Variants in MSH6 observed in about 807,000 individuals in gnomAD.
MSH6 encodes mutS homolog 6.
Under a neutral mutation model 119.1 loss-of-function variants are expected in MSH6, and 85 were observed. That is an observed-to-expected ratio of 0.71 (90% CI 0.60 to 0.85). MSH6 has a LOEUF of 0.85. Ranked by LOEUF, MSH6 falls within the 40% of genes least tolerant of loss-of-function variation. MSH6 has a pLI of 0.00. For missense variants in MSH6, 2,163 were observed against 1,655.3 expected (o/e 1.31, Z -5.32); for synonymous variants, 830 against 586.9 (o/e 1.41, Z -5.99).
At chr2:47,801,302 C>A in intron 4 of MSH6, 147 bp downstream of exon 4, 1 of 661,950 alleles carries the variant, frequency 1.5e-6, no homozygotes, top group South Asian at 2.0e-5. Flanking sequence ...AGGCTGCCCA[C>A]AGCAATTTAA....
chr2:47,807,879 A>G (rs1040405000), downstream of MSH6: 2 of 377,814 alleles, frequency 5.3e-6, no homozygotes, highest in Non-Finnish European at 9.6e-6. Context: ...TATTTTCTTC[A>G]CTTCTGTCCC....
intron 1 of MSH6, among the ~76,000 whole-genome samples, chr2:47,788,999 C>T (rs1668564656): frequency 7.7e-6 from 1 of 129,476 alleles, no homozygotes; most frequent in Admixed American, 9.4e-5. Context: ...TTTCTTGGCT[C>T]ACTGCAACCT....
At chr2:47,809,292 A>C, downstream of MSH6, 1 of 1,390,436 alleles carries the variant, frequency 7.2e-7, no homozygotes, top group Non-Finnish European at 1.0e-6. Context: ...GAATAAGTAA[A>C]AATTCAGAGG....
At chr2:47,801,299 C>A in intron 4 of MSH6, 144 bp downstream of exon 4, 2 of 754,034 alleles carry the variant, frequency 2.7e-6, no homozygotes, top group Non-Finnish European at 2.1e-6. Context: ...ACTAGGCTGC[C>A]CACAGCAATT....
downstream of MSH6, chr2:47,808,675 C>G: frequency 5.1e-6 from 2 of 391,076 alleles, no homozygotes. Context: ...CTTTAAAAGC[C>G]TCTCAAATGT....
downstream of MSH6, chr2:47,807,897 C>CTT (rs1283461930): frequency 2.2e-6 from 1 of 465,048 alleles, no homozygotes; most frequent in Non-Finnish European, 3.9e-6. Flanking sequence ...CCCTTCAAGT[C>CTT]TTTACACAGT....
At chr2:47,804,511 C>T (rs1159447678) in intron 5 of MSH6, among the ~76,000 whole-genome samples, 1 of 145,360 alleles carries the variant, frequency 6.9e-6, no homozygotes, top group East Asian at 2.0e-4. Flanking sequence ...AAATCAGAAT[C>T]ACCTGAAAGA....
chr2:47,799,070 A>C lies in MSH6; in HGVS notation c.1087A>C (p.Thr363Pro), dbSNP rs764965018. The change falls in exon 4 of 10, where the codon ACT (threonine) becomes CCT (proline). Residue 363 changes from threonine (T) to proline (P), a missense_variant. By Grantham distance (38) the Thr-to-Pro change is conservative (BLOSUM62 -1). Transcript: ENST00000234420. ...SGGGDDSSRP[T>P]VWYHETLEWL... ...AGGTGGTGATGACAGTAGTCGCCCT[A>C]CTGTTTGGTATCATGAAACTTTAGA... 6.2e-7 allele frequency: 1 copy of C among 1,614,178 alleles called. No individual in the cohort carries two copies. Among genetic ancestry groups the C allele is most frequent in the Non-Finnish European group, 8.5e-7 (1 of 1,180,034 alleles).
At chr2:47,785,792 T>C (rs1668315790) in intron 1 of MSH6, among the ~76,000 whole-genome samples, 1 of 152,240 alleles carries the variant, frequency 6.6e-6, no homozygotes, top group African/African-American at 2.4e-5. Flanking sequence ...CAAACGGGTG[T>C]ATTTATTGTA....
At position 47,806,935 on chromosome 2, in the gene MSH6, C is replaced by CTT. The variant is rs587779201; in HGVS notation, c.*77_*78dup. 6 of 1,133,702 alleles carry CTT rather than the reference C, an allele frequency of 5.3e-6. No individual in the cohort carries two copies. Among genetic ancestry groups the CTT allele is most frequent in the Non-Finnish European group, 6.6e-6 (5 of 760,866 alleles). The allele number at this position is 1,133,702 out of a possible 1,614,324, so 70.2% of individuals were successfully genotyped here. On this transcript the variant is annotated 3_prime_UTR_variant, in exon 10 of 10. Coordinates refer to ENST00000234420, the MANE Select transcript of MSH6 (RefSeq NM_000179.3). Reference sequence around the variant, plus strand: ...TCAGACAACATTATGATCTAATAAACTTTATTTTTTAAAAATGACCATTTT... The same window carrying CTT: ...TCAGACAACATTATGATCTAATAAACTTTTTATTTTTTAAAAATGACCATTTT...
At chr2:47,786,415 A>C (rs1425490566) in intron 1 of MSH6, among the ~76,000 whole-genome samples, 1 of 151,654 alleles carries the variant, frequency 6.6e-6, no homozygotes, top group Non-Finnish European at 1.5e-5. Flanking sequence ...GCTCACTGCA[A>C]CCTCCGCCTC....
chr2:47,793,723 A>G (rs1225094324), intron 2 of MSH6, among the ~76,000 whole-genome samples: 2 of 151,926 alleles, frequency 1.3e-5, no homozygotes, highest in African/African-American at 4.8e-5. Context: ...GATTTAAAAA[A>G]TTTGGCAGAA....
downstream of MSH6, chr2:47,808,617 G>A (rs971239242): frequency 1.4e-5 from 7 of 504,436 alleles, no homozygotes; most frequent in Admixed American, 3.7e-5. Flanking sequence ...CTGTGTCTTC[G>A]GAGGGAAGAG....
rs1572729232 is a variant in MSH6 at position 47,800,896 on chromosome 2, G to A, written c.2913G>A (p.Gly971=). The A allele has an allele frequency of 6.2e-7, 1 of 1,602,040 alleles. No homozygotes were observed. The highest frequency in any genetic ancestry group is 2.2e-5 in the East Asian group (1 of 44,756). ...GCTGTAGGACCATAGTCTATTGGGG[G>A]ATTGGTAGGAACCGTTACCAGCTGG... ...RIGCRTIVYW[G]IGRNRYQLEI... Residue 971 remains glycine, a synonymous_variant, in exon 4 of 10, where the codon GGG becomes GGA. Transcript: ENST00000234420.
At position 47,806,751 on chromosome 2, in the gene MSH6, C is replaced by CAACTT. The variant is rs771393147; in HGVS notation, c.4002-28_4002-27insAACTT. The CAACTT allele has an allele frequency of 2.1e-6, 3 of 1,444,228 alleles. No homozygotes were observed. The African/African-American group carries it at 4.5e-5, about 22-fold the overall frequency. The allele number at this position is 1,444,228 out of a possible 1,614,324, so 89.5% of individuals were successfully genotyped here. A position where few individuals can be genotyped will look rare whatever the true frequency, so the allele number is the denominator to read the frequency against. On this transcript the variant is annotated intron_variant, in intron 9 of 9. Coordinates refer to ENST00000234420, the MANE Select transcript of MSH6 (RefSeq NM_000179.3). The stretch of plus-strand genomic sequence containing the variant: ...GATGCACTATGAAAAAACAAAAAAA[C>CAACTT]TTTTTTTTTTTTTTTTTTAATTTTA...
intron 5 of MSH6, 119 bp from the exon 6 acceptor site, chr2:47,804,789 CAT>C: frequency 1.3e-6 from 1 of 791,520 alleles, no homozygotes; most frequent in Non-Finnish European, 2.3e-6. Flanking sequence ...AACCAACGTA[CAT>C]GTGATTGTGA....
rs1669503562 is a variant in MSH6 at position 47,800,712 on chromosome 2, A to C, written c.2729A>C (p.Asn910Thr). 4.3e-6 allele frequency: 7 copies of C among 1,614,108 alleles called. No homozygotes were observed. Among genetic ancestry groups the C allele is most frequent in the Non-Finnish European group, 5.1e-6 (6 of 1,180,004 alleles). ...TTTCCTGATTTGACTGTAGAATTGA[A>C]CCGATGGGATACAGCCTTTGACCAT... ...GRFPDLTVELNRWDTAFDHEK... is the reference protein window; with the variant it reads ...GRFPDLTVELTRWDTAFDHEK... Residue 910 changes from asparagine (N) to threonine (T), a missense_variant, in exon 4 of 10, where the codon AAC becomes ACC. By Grantham distance (65) the Asn-to-Thr change is moderately conservative (BLOSUM62 0). Transcript: ENST00000234420.
intron 2 of MSH6, among the ~76,000 whole-genome samples, chr2:47,792,248 C>T (rs1320458956): frequency 3.9e-5 from 6 of 152,300 alleles, no homozygotes; most frequent in East Asian, 3.9e-4. Context: ...TTCGGCCTCC[C>T]AAGAGTCTCC....
rs747031075 is a variant in MSH6, at chr2:47,806,372, GTTT to G, written c.3801+19_3801+21del. 1.2e-6 allele frequency: 2 copies of G among 1,613,850 alleles called. No homozygotes were observed. Among genetic ancestry groups the G allele is most frequent in the East Asian group, 2.2e-5 (1 of 44,868 alleles). ...CTAGGACATATGGTATGTGCAAATT[GTTT>G]TTTTCCACAAATTCGGTTTTTTGAG... On this transcript the variant is annotated intron_variant, in intron 8 of 9. Coordinates refer to ENST00000234420, the MANE Select transcript of MSH6 (RefSeq NM_000179.3).
Sources: gnomAD v4.1 joint callset for allele counts (sites outside exome capture counted in the v4.1 genomes callset) on GRCh38, gnomAD v4.1.1 for gene constraint, MANE v1.5 for transcripts, NCBI Gene and HGNC (gene_info 2026-07-23, HGNC 2026-07-21) for gene names.